TTLL11: variants seen among roughly 807,000 people sequenced by gnomAD.
The protein encoded by TTLL11 is tubulin polyglutamylase TTLL11.
TTLL11 carries 42 observed loss-of-function variants against 51.7 expected under a neutral mutation model. That is an observed-to-expected ratio of 0.81 (90% CI 0.64 to 1.05). The LOEUF (loss-of-function observed/expected upper bound fraction) is 1.05, where lower values mean the gene tolerates loss of function less well. TTLL11 is among the 50% of genes least tolerant of loss of function. The pLI is 0.00. For synonymous variants in TTLL11, 381 were observed against 383.5 expected, an observed-to-expected ratio of 0.99 and a Z score of 0.08; for missense variants, 799 against 940.4, an observed-to-expected ratio of 0.85 and a Z score of 1.97.
chr9:121,983,283 A>G (rs1413032544), intron 4 of TTLL11, among the ~76,000 whole-genome samples: 11 of 152,214 alleles, frequency 7.2e-5, no homozygotes, highest in Admixed American at 1.3e-4. Flanking sequence ...TTGGGAAGGA[A>G]GTCAAGAGCT....
intron 6 of TTLL11, among the ~76,000 whole-genome samples, chr9:121,942,765 T>A (rs12378330): frequency 7.1e-6 from 1 of 140,616 alleles, no homozygotes; most frequent in Non-Finnish European, 1.5e-5. Context: ...TTTTTTTGCC[T>A]GAATATAGCG....
At chr9:121,832,678 G>T (rs994496198) in intron 8 of TTLL11, among the ~76,000 whole-genome samples, 2 of 152,164 alleles carry the variant, frequency 1.3e-5, no homozygotes, top group Non-Finnish European at 2.9e-5. Context: ...AGTGGCTCAT[G>T]CCTGTAATCC....
chr9:121,937,825 A>G (rs1331465137), intron 6 of TTLL11, among the ~76,000 whole-genome samples: 1 of 152,164 alleles, frequency 6.6e-6, no homozygotes, highest in Non-Finnish European at 1.5e-5. Flanking sequence ...TAAGAAAAGA[A>G]CCAAAGAGAA....
At chr9:121,945,664 C>G (rs1361963100) in intron 6 of TTLL11, among the ~76,000 whole-genome samples, 6 of 152,220 alleles carry the variant, frequency 3.9e-5, no homozygotes, top group Admixed American at 6.5e-5. Context: ...TACCGAACTA[C>G]TTACAATTTT....
chr9:121,988,870 G>T, intron 4 of TTLL11: 1 of 459,088 alleles, frequency 2.2e-6, no homozygotes, highest in Non-Finnish European at 3.7e-6. Context: ...ATGAGTAAGT[G>T]AATGAATGAA....
At position 121,819,620 on chromosome 9, in the gene TTLL11, G is replaced by A. The variant is rs922628163; in HGVS notation, c.*2967C>T. Among the ~76,000 whole-genome samples the A allele has an allele frequency of 6.6e-6, 1 of 152,174 alleles. No individual in the cohort carries two copies. Among genetic ancestry groups the A allele is most frequent in the African/African-American group, 2.4e-5 (1 of 41,458 alleles). On this transcript the variant is annotated 3_prime_UTR_variant, in exon 9 of 9. Coordinates refer to ENST00000321582, the MANE Select transcript of TTLL11 (RefSeq NM_001139442.2). ...TCAGGAGGAGCGGGAAGGGGCAAGA[G>A]AGCGGGAGGGAGAAGACGCTGGAGA...
rs1013559517 is a variant in TTLL11, at chr9:121,989,394, G to A, written c.1070C>T (p.Ser357Leu). The stretch of plus-strand genomic sequence containing the variant: ...TTTGCTGCCAGTGCTAGCACTGTCC[G>A]AGTGGATGAAGTTGCCGCTGTGGAT... ...LNIHSGNFIH[S>L]DSASTGSKRT... Residue 357 changes from serine (S) to leucine (L), a missense_variant, in exon 4 of 9, where the codon TCG becomes TTG. Transcript: ENST00000321582. This position sits in a 1 kb window ranked among gnomAD's most constrained non-coding sequence, Gnocchi z 4.2. 21 of 1,614,058 alleles carry A rather than the reference G, an allele frequency of 1.3e-5. No individual in the cohort carries two copies. The highest frequency in any genetic ancestry group is 6.7e-5 in the East Asian group (3 of 44,894).
At chr9:122,041,741 T>C (rs1394316957) in intron 1 of TTLL11, among the ~76,000 whole-genome samples, 1 of 151,996 alleles carries the variant, frequency 6.6e-6, no homozygotes, top group African/African-American at 2.4e-5. Context: ...CTGAAAACTA[T>C]AAAATATTTG....
At chr9:121,928,468 A>C (rs1840829841) in intron 6 of TTLL11, among the ~76,000 whole-genome samples, 1 of 145,806 alleles carries the variant, frequency 6.9e-6, no homozygotes, top group Non-Finnish European at 1.5e-5. Context: ...TTGAGATAGA[A>C]TCTCACTCTT....
At chr9:121,988,124 C>G (rs964061198) in intron 4 of TTLL11, among the ~76,000 whole-genome samples, 3 of 152,250 alleles carry the variant, frequency 2.0e-5, no homozygotes, top group Middle Eastern at 3.4e-3. Flanking sequence ...AGTCACCAAG[C>G]TGAGCCCTTC....
intron 6 of TTLL11, among the ~76,000 whole-genome samples, chr9:121,911,738 C>T (rs1361559332): frequency 2.0e-5 from 3 of 152,050 alleles, no homozygotes; most frequent in African/African-American, 4.8e-5. Flanking sequence ...ACAATGAGAA[C>T]ACATGGACAC....
At chr9:121,947,983 T>C (rs1311537073) in intron 6 of TTLL11, among the ~76,000 whole-genome samples, 3 of 152,192 alleles carry the variant, frequency 2.0e-5, no homozygotes, top group African/African-American at 7.2e-5. Context: ...TAAAGAAAAC[T>C]ACCATTTACT....
intron 6 of TTLL11, among the ~76,000 whole-genome samples, chr9:121,892,213 CATATATAT>C (rs973741054): frequency 2.7e-5 from 3 of 110,144 alleles, no homozygotes; most frequent in Non-Finnish European, 5.8e-5. Context: ...TACATATATA[CATATATAT>C]ATATAATCTT....
rs758710040 is a variant in TTLL11 at position 121,989,683 on chromosome 9, G to T, written c.781C>A (p.Leu261Ile). Residue 261 changes from leucine (L) to isoleucine (I), a missense_variant, in exon 4 of 9, where the codon CTC becomes ATC. This residue lies in a region of TTLL11 where 468 missense variants were observed against 612.8 expected (regional missense o/e 0.76). Coordinates refer to ENST00000321582, the MANE Select transcript of TTLL11 (RefSeq NM_001139442.2). This position sits in a 1 kb window ranked among gnomAD's most constrained non-coding sequence, Gnocchi z 4.2. ...CGGATGTCACTGGGGTCTTTAATGA[G>T]GTAGATTCCATCACCCTGACAACCA... ...DGGCQGDGIY[L>I]IKDPSDIRLA... 6.2e-7 allele frequency: 1 copy of T among 1,614,016 alleles called. No individual in the cohort carries two copies. Among genetic ancestry groups the T allele is most frequent in the Non-Finnish European group, 8.5e-7 (1 of 1,179,954 alleles).
At chr9:121,864,247 A>G (rs1298803870) in intron 7 of TTLL11, among the ~76,000 whole-genome samples, 2 of 152,202 alleles carry the variant, frequency 1.3e-5, no homozygotes, top group African/African-American at 4.8e-5. Context: ...GGCCTTGGAT[A>G]CCGTTCTCAG....
chr9:121,868,105 C>G (rs1474870342), intron 7 of TTLL11, among the ~76,000 whole-genome samples: 1 of 152,056 alleles, frequency 6.6e-6, no homozygotes, highest in Non-Finnish European at 1.5e-5. Flanking sequence ...TGGGGAGGGC[C>G]AAGGAAGCTT....
intron 3 of TTLL11, among the ~76,000 whole-genome samples, chr9:121,991,123 C>A (rs929351606): frequency 2.0e-5 from 3 of 152,184 alleles, no homozygotes; most frequent in Non-Finnish European, 2.9e-5. Flanking sequence ...TTGGTGGGTG[C>A]CCCAGTGACA....
rs144343999 is a variant in TTLL11, at chr9:122,058,773, T to C, written c.463-19405A>G. On this transcript the variant is annotated intron_variant, in intron 1 of 8. Transcript: ENST00000321582. ...CAGTGCTTTCACTAGCTCCTTGAGATGAGAGCTGTTATTCCTCTACTAAGT... is the reference window on the plus strand; with the variant it reads ...CAGTGCTTTCACTAGCTCCTTGAGACGAGAGCTGTTATTCCTCTACTAAGT... 3.6e-3 allele frequency among the ~76,000 whole-genome samples: 554 copies of C among 152,364 alleles called. 4 individuals are homozygous for C. Among genetic ancestry groups the C allele is most frequent in the Non-Finnish European group, 3.3e-3 (227 of 68,030 alleles).
At chr9:121,956,687 G>GC (rs57696571) in intron 6 of TTLL11, among the ~76,000 whole-genome samples, 11,759 of 152,312 alleles carry the variant, frequency 0.077, 677 homozygotes, top group African/African-American at 0.16. Flanking sequence ...AAGGCCGGGG[G>GC]TGGCAGGCAA....
Sources: gnomAD v4.1 joint callset for allele counts (sites outside exome capture counted in the v4.1 genomes callset) on GRCh38, gnomAD v4.1.1 for gene constraint, gnomAD v4.1.1 regional missense constraint, Gnocchi (gnomAD v3.1) non-coding constraint, MANE v1.5 for transcripts, NCBI Gene and HGNC (gene_info 2026-07-23, HGNC 2026-07-21) for gene names.